Variants in NKAIN2 observed in about 807,000 individuals in gnomAD.
NKAIN2 encodes the protein sodium/potassium-transporting ATPase subunit beta-1-interacting protein 2.
In NKAIN2, 14 loss-of-function variants were observed where a neutral mutation model predicts 32.6. The ratio of observed to expected loss-of-function variants is 0.43; its 90% CI spans 0.28 to 0.67. The LOEUF (loss-of-function observed/expected upper bound fraction) is 0.67. NKAIN2 is among the 30% of genes least tolerant of loss of function. NKAIN2 has a pLI of 0.17. For synonymous variants in NKAIN2, 80 were observed against 87.2 expected (o/e 0.92, Z 0.46); for missense variants, 198 against 258.3 (o/e 0.77, Z 1.60).
At chr6:124,184,204 T>A (rs942387903) in intron 1 of NKAIN2, among the ~76,000 whole-genome samples, 3 of 152,124 alleles carry the variant, frequency 2.0e-5, no homozygotes, top group Non-Finnish European at 4.4e-5. Context: ...CTCGAAATGT[T>A]TGGTTCTCTT....
intron 4 of NKAIN2, among the ~76,000 whole-genome samples, chr6:124,773,934 T>C (rs1778872150): frequency 1.3e-5 from 2 of 152,266 alleles, no homozygotes; most frequent in South Asian, 4.1e-4. Context: ...AAGCTCATGA[T>C]AGCTAGAGAA....
chr6:124,657,612 A>G (rs1320351983), intron 3 of NKAIN2, among the ~76,000 whole-genome samples: 1 of 152,160 alleles, frequency 6.6e-6, no homozygotes, highest in Non-Finnish European at 1.5e-5. Context: ...ACAAAAAGTG[A>G]TAAGATTGAA....
chr6:124,484,882 G>T (rs943673599), intron 3 of NKAIN2, among the ~76,000 whole-genome samples: 5 of 152,102 alleles, frequency 3.3e-5, no homozygotes, highest in African/African-American at 1.2e-4. Context: ...TGCTATTGAA[G>T]TTCCCTACAT....
chr6:124,764,563 T>C (rs991277066), intron 4 of NKAIN2, among the ~76,000 whole-genome samples: 1 of 152,138 alleles, frequency 6.6e-6, no homozygotes, highest in Non-Finnish European at 1.5e-5. Context: ...ATCCACAACT[T>C]AGAAGGAGTC....
chr6:124,759,572 C>T (rs1489401026), intron 4 of NKAIN2, among the ~76,000 whole-genome samples: 3 of 146,326 alleles, frequency 2.1e-5, no homozygotes, highest in South Asian at 2.2e-4. Flanking sequence ...CCCCTAGCCA[C>T]CCTGTCTGAA....
chr6:123,868,248 G>T (rs1054730993), intron 1 of NKAIN2, among the ~76,000 whole-genome samples: 2 of 152,130 alleles, frequency 1.3e-5, no homozygotes, highest in African/African-American at 4.8e-5. Context: ...TATGTCATAT[G>T]CATGTCTAAC....
intron 3 of NKAIN2, among the ~76,000 whole-genome samples, chr6:124,423,490 G>T (rs1192201453): frequency 1.3e-5 from 2 of 152,134 alleles, no homozygotes; most frequent in Admixed American, 1.3e-4. Flanking sequence ...GGACCCAAAA[G>T]GTGATGTTAA....
chr6:124,128,020 G>A (rs1786270127), intron 1 of NKAIN2, among the ~76,000 whole-genome samples: 1 of 152,088 alleles, frequency 6.6e-6, no homozygotes, highest in South Asian at 2.1e-4. Flanking sequence ...GTAGAGATGG[G>A]GCTTCACCAT....
chr6:124,679,233 C>T (rs937331068), intron 4 of NKAIN2, among the ~76,000 whole-genome samples: 15 of 152,072 alleles, frequency 9.9e-5, no homozygotes, highest in African/African-American at 3.6e-4. Flanking sequence ...TTTCTCTTGC[C>T]CATTCTACCC....
intron 3 of NKAIN2, among the ~76,000 whole-genome samples, chr6:124,492,930 C>T (rs1162569188): frequency 6.6e-6 from 1 of 151,854 alleles, no homozygotes; most frequent in Admixed American, 6.6e-5. Flanking sequence ...GAGGTATATT[C>T]TGGAGTCAGG....
chr6:124,498,312 G>A (rs1033077155), intron 3 of NKAIN2, among the ~76,000 whole-genome samples: 8 of 152,108 alleles, frequency 5.3e-5, no homozygotes, highest in Non-Finnish European at 1.0e-4. Flanking sequence ...AGCCCTCAGC[G>A]TACAGAAATA....
chr6:124,063,478 A>G (rs1481484258), intron 1 of NKAIN2, among the ~76,000 whole-genome samples: 4 of 152,060 alleles, frequency 2.6e-5, no homozygotes, highest in African/African-American at 4.8e-5. Flanking sequence ...AGTTCTTTCA[A>G]TCTTTCTTTC....
At chr6:124,516,656 G>A (rs1778926937) in intron 3 of NKAIN2, among the ~76,000 whole-genome samples, 1 of 152,100 alleles carries the variant, frequency 6.6e-6, no homozygotes, top group African/African-American at 2.4e-5. Context: ...GTTGTGTGTG[G>A]ATATGTCTGC....
intron 4 of NKAIN2, among the ~76,000 whole-genome samples, chr6:124,779,870 A>G (rs1779181063): frequency 6.6e-6 from 1 of 152,180 alleles, no homozygotes; most frequent in South Asian, 2.1e-4. Flanking sequence ...TCAATTCAAA[A>G]TGTTGACCTA....
intron 1 of NKAIN2, among the ~76,000 whole-genome samples, chr6:123,947,204 T>A (rs369716679): frequency 2.0e-5 from 3 of 152,168 alleles, no homozygotes; most frequent in African/African-American, 7.2e-5. Flanking sequence ...TCAGATCAGG[T>A]CTGTGTTCTG....
chr6:124,684,361 A>T (rs1486754664), intron 4 of NKAIN2, among the ~76,000 whole-genome samples: 1 of 152,188 alleles, frequency 6.6e-6, no homozygotes, highest in East Asian at 1.9e-4. Context: ...GATATTGCTA[A>T]AAATGCAAAT....
intron 1 of NKAIN2, among the ~76,000 whole-genome samples, chr6:124,073,194 T>C (rs1196983225): frequency 6.6e-6 from 1 of 152,054 alleles, no homozygotes; most frequent in African/African-American, 2.4e-5. Context: ...AGAAAACAAT[T>C]CCCCGGGAGA....
intron 3 of NKAIN2, among the ~76,000 whole-genome samples, chr6:124,555,434 A>G (rs925769673): frequency 6.6e-6 from 1 of 152,204 alleles, no homozygotes; most frequent in African/African-American, 2.4e-5. Context: ...CCCTCTAACT[A>G]TAGCATACAA....
At chr6:124,407,085 G>C (rs879823911) in intron 3 of NKAIN2, among the ~76,000 whole-genome samples, 2 of 151,990 alleles carry the variant, frequency 1.3e-5, no homozygotes, top group Non-Finnish European at 2.9e-5. Flanking sequence ...TATCGATCAA[G>C]CTTTTGATGT....
Sources: gnomAD v4.1 joint callset for allele counts (sites outside exome capture counted in the v4.1 genomes callset) on GRCh38, gnomAD v4.1.1 for gene constraint, MANE v1.5 for transcripts, NCBI Gene and HGNC (gene_info 2026-07-23, HGNC 2026-07-21) for gene names.